TENM4: variants seen among roughly 807,000 people sequenced by gnomAD.
The protein encoded by TENM4 is teneurin transmembrane protein 4.
A neutral mutation model predicts 243.3 loss-of-function variants in TENM4; 82 were observed. The ratio of observed to expected loss-of-function variants is 0.34; its 90% confidence interval spans 0.28 to 0.40. The LOEUF (loss-of-function observed/expected upper bound fraction) is 0.40, where lower values mean the gene tolerates loss of function less well. Ranked by LOEUF, TENM4 falls within the 10% of genes least tolerant of loss-of-function variation. The pLI is 1.00. For synonymous variants in TENM4, 1,412 were observed against 1,456.3 expected (o/e 0.97, Z 0.69); for missense variants, 3,138 against 3,673.3 (o/e 0.85, Z 3.77).
chr11:78,864,433 C>CAAAAAAAAAAAAAAAAAAAAAAAAAAAAA (rs145489804), intron 9 of TENM4, among the ~76,000 whole-genome samples: 1 of 36,204 alleles, frequency 2.8e-5, no homozygotes. Flanking sequence ...GACTCCGTCT[C>CAAAAAAAAAAAAAAAAAAAAAAAAAAAAA]AAAAAAAAAA....
At chr11:78,924,367 C>G (rs542932084) in intron 6 of TENM4, 2 of 152,354 alleles carry the variant, frequency 1.3e-5, no homozygotes, top group South Asian at 4.1e-4. Context: ...TACCTCTGGG[C>G]TTCCTTTTAT....
intron 6 of TENM4, among the ~76,000 whole-genome samples, chr11:79,019,321 G>T (rs189467778): frequency 3.9e-4 from 59 of 152,248 alleles, no homozygotes; most frequent in Admixed American, 1.4e-3. Flanking sequence ...CATCCCACTA[G>T]ACCTTCATTC....
chr11:79,352,935 G>A (rs1857439081), intron 1 of TENM4, among the ~76,000 whole-genome samples: 1 of 152,106 alleles, frequency 6.6e-6, no homozygotes, highest in African/African-American at 2.4e-5. Context: ...AGAGGCAGGG[G>A]CAGAAAAATG....
chr11:79,180,035 G>A (rs1006719717), intron 3 of TENM4, among the ~76,000 whole-genome samples: 2 of 151,734 alleles, frequency 1.3e-5, no homozygotes, highest in South Asian at 4.2e-4. Context: ...GTCTGGGCTT[G>A]CAAATTGCCC....
chr11:78,672,008 G>A (rs759257446), intron 31 of TENM4, 25 bp downstream of exon 31: 1 of 1,598,742 alleles, frequency 6.3e-7, no homozygotes. Flanking sequence ...GGCAAGGCCA[G>A]TGATGCAGGG....
chr11:79,034,895 A>T (rs1859337024), intron 6 of TENM4, among the ~76,000 whole-genome samples: 1 of 152,222 alleles, frequency 6.6e-6, no homozygotes, highest in Non-Finnish European at 1.5e-5. Flanking sequence ...ACCTCTGCTC[A>T]AAACTGGCTT....
chr11:78,750,312 T>C (rs1013209286), intron 19 of TENM4, among the ~76,000 whole-genome samples: 3 of 152,236 alleles, frequency 2.0e-5, no homozygotes, highest in African/African-American at 4.8e-5. Context: ...CTTCTCTTTT[T>C]GAAAAGAATA....
At chr11:79,364,525 C>A (rs1857644164) in intron 1 of TENM4, among the ~76,000 whole-genome samples, 1 of 152,174 alleles carries the variant, frequency 6.6e-6, no homozygotes, top group South Asian at 2.1e-4. Flanking sequence ...TGGTAAAAAT[C>A]TGAATGAGGC....
intron 1 of TENM4, among the ~76,000 whole-genome samples, chr11:79,389,182 G>T (rs766634016): frequency 6.6e-6 from 1 of 152,118 alleles, no homozygotes; most frequent in Non-Finnish European, 1.5e-5. Flanking sequence ...GTTTGAGAAG[G>T]TCTCACTCCA....
intron 1 of TENM4, among the ~76,000 whole-genome samples, chr11:79,355,740 A>C (rs1319475308): frequency 6.6e-6 from 1 of 152,144 alleles, no homozygotes; most frequent in Non-Finnish European, 1.5e-5. Flanking sequence ...ACAGCCTCCC[A>C]TTTTACAGAA....
In TENM4 at chr11:78,862,496, C is replaced by T. The variant is rs77833291; in HGVS notation, c.1255+466G>A. Among the ~76,000 whole-genome samples, 17 of 152,256 alleles carry T rather than the reference C, an allele frequency of 1.1e-4. No individual in the cohort carries two copies. In the East Asian group the frequency reaches 3.1e-3, roughly 28 times the overall value. ...CAAATAAGTGACTTGCTCAAGGTCA[C>T]ACGTTTAGTAAATGACAGACCACTT... On this transcript the variant is annotated intron_variant, in intron 10 of 33. Transcript: ENST00000278550.
chr11:79,368,722 T>A (rs1382685584), intron 1 of TENM4, among the ~76,000 whole-genome samples: 1 of 152,218 alleles, frequency 6.6e-6, no homozygotes, highest in Non-Finnish European at 1.5e-5. Flanking sequence ...ACAGGGTTAT[T>A]GTGAGGAGTG....
intron 3 of TENM4, among the ~76,000 whole-genome samples, chr11:79,149,333 T>C (rs931997547): frequency 1.3e-5 from 2 of 152,182 alleles, no homozygotes; most frequent in Admixed American, 1.3e-4. Context: ...AATTGGATAC[T>C]TAACCCATTC....
At chr11:78,956,393 T>G (rs964364988) in intron 6 of TENM4, among the ~76,000 whole-genome samples, 1 of 152,210 alleles carries the variant, frequency 6.6e-6, no homozygotes, top group African/African-American at 2.4e-5. Flanking sequence ...TGCCAAGTTC[T>G]AGGCTTCTGA....
chr11:78,756,916 G>A lies in TENM4; in HGVS notation c.2645C>T (p.Thr882Ile). The change falls in exon 19 of 34, where the codon ACA (threonine) becomes ATA (isoleucine). Residue 882 changes from threonine to isoleucine, a missense_variant. By Grantham distance (89) the Thr-to-Ile change is moderately conservative. Around this residue, in one of 2 missense-constraint regions of TENM4, gnomAD observed 2,467 missense variants for 3,059.1 expected, o/e 0.81. Transcript: ENST00000278550. ...SPNPLDIIQE[T>I]QVPVSQQNLH... ...GTTCTGCTGTGACACAGGGACCTGT[G>A]TCTCCTGGATGATGTCCAGAGGGTT... The A allele has an allele frequency of 6.2e-7, 1 of 1,613,784 alleles. No individual in the cohort carries two copies. The highest frequency in any genetic ancestry group is 2.2e-5 in the East Asian group (1 of 44,872).
intron 10 of TENM4, among the ~76,000 whole-genome samples, chr11:78,856,406 C>T (rs1473656986): frequency 6.6e-6 from 1 of 152,054 alleles, no homozygotes; most frequent in African/African-American, 2.4e-5. Flanking sequence ...TAAAAATATG[C>T]ATTCTTCCAA....
intron 9 of TENM4, among the ~76,000 whole-genome samples, chr11:78,872,521 CT>C (rs1300258384): frequency 6.6e-6 from 1 of 152,220 alleles, no homozygotes; most frequent in South Asian, 2.1e-4. Flanking sequence ...ACATTCCTTT[CT>C]TTGTGGCCCT....
At chr11:79,294,973 C>T (rs914473114) in intron 2 of TENM4, among the ~76,000 whole-genome samples, 7 of 152,188 alleles carry the variant, frequency 4.6e-5, no homozygotes, top group African/African-American at 1.4e-4. Context: ...CAAACACTGG[C>T]TGGCCCTCTG....
At chr11:79,322,247 C>T (rs1166997356) in intron 1 of TENM4, among the ~76,000 whole-genome samples, 31 of 152,198 alleles carry the variant, frequency 2.0e-4, no homozygotes, top group Admixed American at 2.0e-3. Context: ...GCCTCTTTCC[C>T]TATGAGGAAT....
Sources: allele counts gnomAD v4.1 joint callset (sites outside exome capture counted in the v4.1 genomes callset), GRCh38; gene constraint gnomAD v4.1.1; regional missense constraint gnomAD v4.1.1; transcripts MANE v1.5; gene names NCBI Gene and HGNC (gene_info 2026-07-23, HGNC 2026-07-21).